The following TBCD variants were observed in gnomAD, a reference collection of about 807,000 sequenced individuals.
The protein encoded by TBCD is tubulin-specific chaperone D.
Under a neutral mutation model 169.3 loss-of-function variants are expected in TBCD, and 105 were observed. The ratio of observed to expected loss-of-function variants is 0.62; its 90% CI spans 0.53 to 0.73. The LOEUF is 0.73. Ranked by LOEUF, TBCD falls within the 30% of genes least tolerant of loss-of-function variation. The pLI, the probability that TBCD is intolerant of heterozygous loss-of-function variation, is 0.00. For missense variants in TBCD, 1,444 were observed against 1,600.1 expected, an observed-to-expected ratio of 0.90 and a Z score of 1.66; for synonymous variants, 700 against 643.9, an observed-to-expected ratio of 1.09 and a Z score of -1.32.
chr17:82,813,754 C>T (rs1272173686), intron 12 of TBCD, among the ~76,000 whole-genome samples: 2 of 152,176 alleles, frequency 1.3e-5, no homozygotes, highest in East Asian at 3.9e-4. Context: ...ACGCAAGGGG[C>T]TCACGGAGCC....
intron 6 of TBCD, among the ~76,000 whole-genome samples, chr17:82,778,593 G>C (rs1017565076): frequency 3.3e-5 from 5 of 151,686 alleles, no homozygotes; most frequent in African/African-American, 9.7e-5. Flanking sequence ...CCAGTAGCTG[G>C]GACTGCAGGC....
intron 13 of TBCD, among the ~76,000 whole-genome samples, chr17:82,851,627 G>C (rs767933448): frequency 6.6e-6 from 1 of 152,190 alleles, no homozygotes; most frequent in Non-Finnish European, 1.5e-5. Flanking sequence ...GGTGGGAAGA[G>C]GGCAGTGAGC....
At chr17:82,868,827 T>C (rs955567067) in intron 13 of TBCD, among the ~76,000 whole-genome samples, 1 of 152,102 alleles carries the variant, frequency 6.6e-6, no homozygotes, top group Non-Finnish European at 1.5e-5. Context: ...ATCCCGGGAG[T>C]GCCTTTTCTC....
At chr17:82,772,725 T>C (rs976135745) in intron 6 of TBCD, among the ~76,000 whole-genome samples, 2 of 152,096 alleles carry the variant, frequency 1.3e-5, no homozygotes, top group Non-Finnish European at 2.9e-5. Flanking sequence ...GGGGTGCTGG[T>C]GGGGGTCACC....
intron 14 of TBCD, among the ~76,000 whole-genome samples, chr17:82,872,912 G>A (rs7214004): frequency 2.0e-5 from 2 of 99,730 alleles, no homozygotes; most frequent in Non-Finnish European, 4.1e-5. Context: ...AGCCAGGCCC[G>A]GCACCTCGTG....
chr17:82,941,546 G>A (rs1207428117), intron 38 of TBCD, 63 bp downstream of exon 38: 1 of 1,451,446 alleles, frequency 6.9e-7, no homozygotes, highest in South Asian at 1.2e-5. Flanking sequence ...AATGTTCTGG[G>A]GCCAGCGGCT....
In TBCD at chr17:82,835,971, C is replaced by G. The variant is rs956328145; in HGVS notation, c.1318+21037C>G. 1.3e-5 allele frequency among the ~76,000 whole-genome samples: 2 copies of G among 152,218 alleles called. No homozygotes were observed. Among genetic ancestry groups the G allele is most frequent in the Non-Finnish European group, 2.9e-5 (2 of 68,036 alleles). On this transcript the variant is annotated intron_variant, in intron 13 of 38. Coordinates refer to ENST00000355528, the MANE Select transcript of TBCD (RefSeq NM_005993.5). This position sits in a 1 kb window ranked among gnomAD's most constrained non-coding sequence, Gnocchi z 4.5. ...AGGGTGTCGGGTGACACCCTGGGCT[C>G]AGACCCCGCGCTCAGCACCCGTCTC...
intron 6 of TBCD, among the ~76,000 whole-genome samples, chr17:82,780,124 G>T (rs180810798): frequency 6.6e-6 from 1 of 152,150 alleles, no homozygotes; most frequent in Non-Finnish European, 1.5e-5. Context: ...GCTCTGCTTC[G>T]ACCATGTTGC....
At chr17:82,792,214 A>G (rs1180143874) in intron 7 of TBCD, among the ~76,000 whole-genome samples, 1 of 152,124 alleles carries the variant, frequency 6.6e-6, no homozygotes, top group African/African-American at 2.4e-5. Flanking sequence ...AAGCCGAGGC[A>G]GGAGAATCGC....
intron 6 of TBCD, 59 bp downstream of exon 6, chr17:82,772,566 T>C (rs2048361480): frequency 6.4e-7 from 1 of 1,572,098 alleles, no homozygotes; most frequent in Non-Finnish European, 8.8e-7. Context: ...AGGGGTTTGT[T>C]TGGGTACGTG....
intron 12 of TBCD, among the ~76,000 whole-genome samples, chr17:82,811,725 A>G (rs2051457441): frequency 6.6e-6 from 1 of 152,206 alleles, no homozygotes; most frequent in Admixed American, 6.5e-5. Context: ...AAAAAGGTGC[A>G]GCCTCAGAGC....
rs1349410551 is a variant in TBCD at position 82,920,547 on chromosome 17, T to TA, written c.2039-9_2039-8insA. On this transcript the variant is annotated splice_polypyrimidine_tract_variant and intron_variant, in intron 23 of 38. Coordinates refer to ENST00000355528, the MANE Select transcript of TBCD (RefSeq NM_005993.5). The surrounding 1 kb of genome is among the most constrained non-coding windows in gnomAD (Gnocchi z 4.1). ...ACATTGCGTCTATCCTTTTTTTTTT[T>TA]TTTTCCAGTGTGTGTTTTAATAGAA... The TA allele has an allele frequency of 6.5e-7, 1 of 1,534,336 alleles. No individual in the cohort carries two copies. Among genetic ancestry groups the TA allele is most frequent in the African/African-American group, 1.4e-5 (1 of 71,600 alleles).
In TBCD at chr17:82,764,049, ACAT is replaced by A; in HGVS notation, c.326_328del (p.Ile109del). On this transcript the variant is annotated inframe_deletion, in exon 3 of 39. Coordinates refer to ENST00000355528, the MANE Select transcript of TBCD (RefSeq NM_005993.5). Reference sequence around the variant, plus strand: ...GTACATCTGGCTTTTAAATTTCTTTACATCATCACCAAGGTAACATTTCCATAG... The same window carrying A: ...GTACATCTGGCTTTTAAATTTCTTTACATCACCAAGGTAACATTTCCATAG... 6.2e-7 allele frequency: 1 copy of A among 1,613,388 alleles called. No individual in the cohort carries two copies. Among genetic ancestry groups the A allele is most frequent in the Non-Finnish European group, 8.5e-7 (1 of 1,179,434 alleles).
chr17:82,909,805 A>T (rs1411129739), intron 22 of TBCD, among the ~76,000 whole-genome samples: 1 of 152,236 alleles, frequency 6.6e-6, no homozygotes, highest in Admixed American at 6.5e-5. Flanking sequence ...TGCTGGTCAT[A>T]GGCAGGGGTG....
At position 82,930,524 on chromosome 17, in the gene TBCD, C is replaced by G. The variant is rs747027727; in HGVS notation, c.2994C>G (p.Ile998Met). 1 of 1,612,972 alleles carries G rather than the reference C, an allele frequency of 6.2e-7. No individual in the cohort carries two copies. Among genetic ancestry groups the G allele is most frequent in the Non-Finnish European group, 8.5e-7 (1 of 1,179,668 alleles). ...VSLGGLTEST[I>M]RHSTQSLFEY... is the part of the protein sequence containing the mutation. ...TCTGAGGTGTCTCCGTGTTGCAGAT[C>G]CGGCACTCCACCCAGAGCCTCTTTG... Residue 998 changes from isoleucine (I) to methionine (M), a missense_variant and splice_region_variant, in exon 33 of 39, where the codon ATC becomes ATG. Transcript: ENST00000355528. The surrounding 1 kb of genome is among the most constrained non-coding windows in gnomAD (Gnocchi z 5.2).
At chr17:82,825,469 G>A (rs1194992481) in intron 13 of TBCD, among the ~76,000 whole-genome samples, 1 of 152,174 alleles carries the variant, frequency 6.6e-6, no homozygotes, top group Non-Finnish European at 1.5e-5. Flanking sequence ...GAAGTGCCCA[G>A]GTGAGCGACT....
intron 28 of TBCD, chr17:82,926,800 T>C: frequency 1.9e-6 from 1 of 521,410 alleles, no homozygotes; most frequent in East Asian, 3.4e-5. Context: ...TCTGCACTCG[T>C]TGACAGACAC....
rs2050922168 is a variant in TBCD, at chr17:82,805,865, C to T, written c.951-10C>T. On this transcript the variant is annotated splice_polypyrimidine_tract_variant and intron_variant, in intron 9 of 38. Coordinates refer to ENST00000355528, the MANE Select transcript of TBCD (RefSeq NM_005993.5). ...ACAAAGCTGATCTGAGGATGCTTTG[C>T]TTTGCACAGGTACCAGCGTGGCTGC... The T allele has an allele frequency of 1.9e-6, 3 of 1,601,302 alleles. No homozygotes were observed. In the South Asian group the frequency reaches 3.3e-5, roughly 18 times the overall value.
rs1337580292 is a variant in TBCD, at chr17:82,805,911, G to A, written c.987G>A (p.Leu329=). 1.9e-6 allele frequency: 3 copies of A among 1,612,108 alleles called. No homozygotes were observed. The highest frequency in any genetic ancestry group is 3.3e-5 in the Admixed American group (2 of 59,982). Residue 329 remains leucine, a synonymous_variant, in exon 10 of 39, where the codon CTG becomes CTA. Coordinates refer to ENST00000355528, the MANE Select transcript of TBCD (RefSeq NM_005993.5). ...GCTGCCGATCTTTGGCTGCAAATCTGCAGCTCCTCACTCAGGGTCAGAGTG... is the reference window on the plus strand; with the variant it reads ...GCTGCCGATCTTTGGCTGCAAATCTACAGCTCCTCACTCAGGGTCAGAGTG... ...QRGCRSLAAN[L]QLLTQGQSEQ... is the part of the protein sequence containing the mutation.
Sources: gnomAD v4.1 joint callset for allele counts (sites outside exome capture counted in the v4.1 genomes callset) on GRCh38, gnomAD v4.1.1 for gene constraint, Gnocchi (gnomAD v3.1) non-coding constraint, MANE v1.5 for transcripts, NCBI Gene and HGNC (gene_info 2026-07-23, HGNC 2026-07-21) for gene names.